The following CFAP95 variants were observed in gnomAD, a reference collection of about 807,000 sequenced individuals.
CFAP95 encodes the protein cilia- and flagella-associated protein 95.
chr9:69,822,451 A>C, the CFAP95 span, among the ~76,000 whole-genome samples: 1 of 152,230 alleles, frequency 6.6e-6, no homozygotes, highest in Non-Finnish European at 1.5e-5. Context: ...GAAGTTATAC[A>C]GATTTGGAAT....
chr9:69,889,097 T>C, the CFAP95 span, among the ~76,000 whole-genome samples: 1 of 152,324 alleles, frequency 6.6e-6, no homozygotes, highest in African/African-American at 2.4e-5. Context: ...ACTGAGTCCA[T>C]CTTGCTTCTA....
At chr9:69,897,491 GA>G in the CFAP95 span, among the ~76,000 whole-genome samples, 13 of 152,264 alleles carry the variant, frequency 8.5e-5, no homozygotes, top group African/African-American at 3.1e-4. Flanking sequence ...CTACGTTCCA[GA>G]AGGCAGTCCT....
chr9:69,862,844 A>T, the CFAP95 span, among the ~76,000 whole-genome samples: 2 of 152,174 alleles, frequency 1.3e-5, no homozygotes, highest in Admixed American at 6.5e-5. Context: ...AATGTGAAGA[A>T]GACATAACAC....
At chr9:69,862,293 T>C in the CFAP95 span, among the ~76,000 whole-genome samples, 35 of 152,348 alleles carry the variant, frequency 2.3e-4, no homozygotes, top group African/African-American at 8.2e-4. Context: ...ACATAGTTTC[T>C]TTTAGAAAAT....
chr9:69,893,464 T>C, the CFAP95 span, among the ~76,000 whole-genome samples: 94,386 of 152,108 alleles, frequency 0.62, 29,620 homozygotes, highest in East Asian at 0.82. Context: ...GTCTGAATTA[T>C]ATTAGCTTTC....
At chr9:69,881,871 A>G in the CFAP95 span, among the ~76,000 whole-genome samples, 2 of 151,670 alleles carry the variant, frequency 1.3e-5, no homozygotes, top group Admixed American at 6.6e-5. Flanking sequence ...CATTGTAGAG[A>G]TCTTTCACTT....
the CFAP95 span, among the ~76,000 whole-genome samples, chr9:69,895,952 C>T: frequency 6.6e-5 from 10 of 152,134 alleles, no homozygotes; most frequent in African/African-American, 2.4e-4. Flanking sequence ...TGAGCTGCTG[C>T]GCCTGGCCTG....
chr9:69,861,533 G>C, the CFAP95 span, among the ~76,000 whole-genome samples: 1 of 151,998 alleles, frequency 6.6e-6, no homozygotes, highest in Admixed American at 6.5e-5. Flanking sequence ...GCTAAGGGAG[G>C]GGAGGGGCAG....
chr9:69,867,033 C>T, the CFAP95 span, among the ~76,000 whole-genome samples: 1 of 152,112 alleles, frequency 6.6e-6, no homozygotes, highest in East Asian at 1.9e-4. Flanking sequence ...TTTGCATTAT[C>T]CTTGCATATA....
the CFAP95 span, among the ~76,000 whole-genome samples, chr9:69,840,076 T>TAA: frequency 2.1e-5 from 3 of 139,992 alleles, no homozygotes; most frequent in Admixed American, 7.2e-5. Flanking sequence ...AAACTTCATG[T>TAA]AAAAAAAAAA....
At chr9:69,856,727 T>G in the CFAP95 span, 2 of 1,289,704 alleles carry the variant, frequency 1.6e-6, no homozygotes, top group South Asian at 2.6e-5. Flanking sequence ...AGAAAGGACT[T>G]GTATAAGTAG....
the CFAP95 span, among the ~76,000 whole-genome samples, chr9:69,843,864 G>T: frequency 6.6e-6 from 1 of 151,566 alleles, no homozygotes; most frequent in African/African-American, 2.4e-5. Flanking sequence ...TGGTCTTGAA[G>T]CTTCTAGGCT....
At chr9:69,857,562 C>T in the CFAP95 span, among the ~76,000 whole-genome samples, 11 of 152,176 alleles carry the variant, frequency 7.2e-5, no homozygotes, top group Non-Finnish European at 1.2e-4. Flanking sequence ...TCTTGCTCTG[C>T]TGCCCAGGCT....
the CFAP95 span, among the ~76,000 whole-genome samples, chr9:69,859,501 G>A: frequency 2.6e-5 from 4 of 151,736 alleles, no homozygotes; most frequent in African/African-American, 9.7e-5. Flanking sequence ...TGTTTGTATG[G>A]TATCCATCTT....
chr9:69,899,983 A>ATGGTCCCTGAG, the CFAP95 span, among the ~76,000 whole-genome samples: 1 of 152,214 alleles, frequency 6.6e-6, no homozygotes, highest in Non-Finnish European at 1.5e-5. Flanking sequence ...GAGTACAACT[A>ATGGTCCCTGAG]TACAGGTGGT....
chr9:69,831,574 T>C, the CFAP95 span, among the ~76,000 whole-genome samples: 1 of 151,942 alleles, frequency 6.6e-6, no homozygotes, highest in African/African-American at 2.4e-5. Context: ...GAGATAGGAG[T>C]GGGGAGGGCT....
chr9:69,875,212 AT>A, the CFAP95 span, among the ~76,000 whole-genome samples: 54 of 149,752 alleles, frequency 3.6e-4, no homozygotes, highest in Middle Eastern at 3.5e-3. Flanking sequence ...TGTTTTTTGG[AT>A]TTTTTTTTTA....
chr9:69,839,538 T>C, the CFAP95 span, among the ~76,000 whole-genome samples: 1 of 152,020 alleles, frequency 6.6e-6, no homozygotes, highest in African/African-American at 2.4e-5. Context: ...GCGATTCTCA[T>C]GCCTCAGGCC....
chr9:69,889,098 C>T, the CFAP95 span, among the ~76,000 whole-genome samples: 2 of 152,176 alleles, frequency 1.3e-5, no homozygotes, highest in Non-Finnish European at 2.9e-5. Flanking sequence ...CTGAGTCCAT[C>T]TTGCTTCTAC....
Sources: allele counts gnomAD v4.1 joint callset (sites outside exome capture counted in the v4.1 genomes callset), GRCh38; gene constraint gnomAD v4.1.1; transcripts MANE v1.5; gene names NCBI Gene and HGNC (gene_info 2026-07-23, HGNC 2026-07-21).